Variants in CEP128 observed in about 807,000 individuals in gnomAD.
CEP128 encodes centrosomal protein 128, also known as centrosomal protein 128kDa.
CEP128 carries 132 observed loss-of-function variants against 156.7 expected under a neutral mutation model. The observed-to-expected ratio is 0.84, with a 90% CI of 0.73 to 0.97. The LOEUF (loss-of-function observed/expected upper bound fraction) is 0.97, where lower values mean the gene tolerates loss of function less well. Ranked by LOEUF, CEP128 falls within the 50% of genes least tolerant of loss-of-function variation. The pLI is 0.00. For synonymous variants in CEP128, 469 were observed against 448.9 expected, an observed-to-expected ratio of 1.04 and a Z score of -0.57; for missense variants, 1,252 against 1,281.9, an observed-to-expected ratio of 0.98 and a Z score of 0.36.
intron 4 of CEP128, among the ~76,000 whole-genome samples, chr14:80,908,941 A>G (rs977322128): frequency 6.6e-6 from 1 of 152,008 alleles, no homozygotes; most frequent in Non-Finnish European, 1.5e-5. Flanking sequence ...CACTTTGCCT[A>G]TACTATCACC....
At chr14:80,729,056 GGGGTGT>G (rs1216628565) in intron 19 of CEP128, among the ~76,000 whole-genome samples, 1,797 of 88,150 alleles carry the variant, frequency 0.02, 166 homozygotes, top group African/African-American at 0.051. Flanking sequence ...TGGGCTGGTG[GGGGTGT>G]GTGTGTGTGT....
downstream of CEP128, among the ~76,000 whole-genome samples, chr14:80,488,026 C>A (rs1182199639): frequency 6.7e-6 from 1 of 149,454 alleles, no homozygotes; most frequent in Non-Finnish European, 1.5e-5. Context: ...TAACTAAAAT[C>A]AGAGCAGAAC....
At chr14:80,599,585 C>A (rs1358987111) in intron 19 of CEP128, among the ~76,000 whole-genome samples, 1 of 151,726 alleles carries the variant, frequency 6.6e-6, no homozygotes, top group South Asian at 2.1e-4. Flanking sequence ...GAGTCATATT[C>A]TTTTTTCTAG....
chr14:80,924,874 G>A (rs1885063960), intron 2 of CEP128, among the ~76,000 whole-genome samples: 1 of 152,206 alleles, frequency 6.6e-6, no homozygotes, highest in South Asian at 2.1e-4. Context: ...ACAGCTGGGA[G>A]GCTGTTGCAA....
At chr14:80,896,277 T>A (rs929083752) in intron 7 of CEP128, among the ~76,000 whole-genome samples, 1 of 152,184 alleles carries the variant, frequency 6.6e-6, no homozygotes, top group South Asian at 2.1e-4. Flanking sequence ...TTACCTTGTT[T>A]CTCCTCAAAT....
At chr14:80,599,756 C>T (rs554337489) in intron 19 of CEP128, among the ~76,000 whole-genome samples, 3 of 151,464 alleles carry the variant, frequency 2.0e-5, no homozygotes, top group Non-Finnish European at 4.4e-5. Flanking sequence ...TACAAAAAAA[C>T]CTAAAGGAAA....
chr14:80,767,349 CA>C (rs1900290582), intron 16 of CEP128, among the ~76,000 whole-genome samples: 1 of 151,920 alleles, frequency 6.6e-6, no homozygotes, highest in African/African-American at 2.4e-5. Flanking sequence ...CCACTTTTTT[CA>C]AGCTTATTTC....
intron 2 of CEP128, chr14:80,958,126 A>G (rs1886803339): frequency 2.0e-5 from 3 of 152,094 alleles, no homozygotes; most frequent in South Asian, 2.1e-4. Flanking sequence ...GAAGAAAAGC[A>G]TATGAGAGAA....
At chr14:80,665,219 GT>G (rs1200371019) in intron 19 of CEP128, among the ~76,000 whole-genome samples, 2 of 152,190 alleles carry the variant, frequency 1.3e-5, no homozygotes, top group African/African-American at 4.8e-5. Context: ...AGTGGGGTAT[GT>G]GAAACCTGGC....
At chr14:80,538,501 TAC>T (rs148783957) in intron 21 of CEP128, among the ~76,000 whole-genome samples, 1,919 of 152,280 alleles carry the variant, frequency 0.013, 39 homozygotes, top group African/African-American at 0.044. Flanking sequence ...GAAAGAAATT[TAC>T]AGAGCTCACC....
intron 19 of CEP128, among the ~76,000 whole-genome samples, chr14:80,689,984 T>C (rs1470639): frequency 0.11 from 16,025 of 152,148 alleles, 1,434 homozygotes; most frequent in East Asian, 0.43. Context: ...TGTGAGTCCC[T>C]GCAATACTGG....
intron 19 of CEP128, among the ~76,000 whole-genome samples, chr14:80,581,274 AAT>A (rs1286360524): frequency 6.6e-6 from 1 of 152,228 alleles, no homozygotes; most frequent in African/African-American, 2.4e-5. Context: ...AGTGTATATT[AAT>A]ATGAGTATTT....
At chr14:80,743,002 G>T (rs553668890) in intron 19 of CEP128, 73 bp downstream of exon 19, 9 of 1,376,502 alleles carry the variant, frequency 6.5e-6, no homozygotes, top group South Asian at 6.1e-5. Context: ...ACAGAAGTAG[G>T]TTTTTTTCCA....
intron 21 of CEP128, among the ~76,000 whole-genome samples, chr14:80,546,002 G>A (rs185458338): frequency 2.4e-4 from 36 of 152,250 alleles, no homozygotes; most frequent in African/African-American, 4.6e-4. Flanking sequence ...AAATTTCTTA[G>A]AGCCTACATG....
chr14:80,748,605 G>A (rs1184932519), intron 18 of CEP128, among the ~76,000 whole-genome samples: 1 of 152,100 alleles, frequency 6.6e-6, no homozygotes, highest in African/African-American at 2.4e-5. Flanking sequence ...CACATGTTAT[G>A]GTTAAAGTAG....
chr14:80,528,761 G>A (rs549654261), intron 22 of CEP128, among the ~76,000 whole-genome samples: 95 of 152,238 alleles, frequency 6.2e-4, no homozygotes, highest in African/African-American at 1.9e-3. Flanking sequence ...AGATGAATGC[G>A]GACATATCTC....
chr14:80,768,062 G>A (rs1900328834), intron 16 of CEP128, among the ~76,000 whole-genome samples: 1 of 152,042 alleles, frequency 6.6e-6, no homozygotes, highest in South Asian at 2.1e-4. Flanking sequence ...TCTACTCATT[G>A]ACAAGCATTT....
chr14:80,662,950 A>C lies in CEP128; in HGVS notation c.2806+80125T>G, dbSNP rs143604785. Among the ~76,000 whole-genome samples the C allele has an allele frequency of 2.7e-4, 41 of 152,364 alleles. 1 individual carries two copies. The highest frequency in any genetic ancestry group is 9.6e-4 in the African/African-American group (40 of 41,592). On this transcript the variant is annotated intron_variant, in intron 19 of 24. Transcript: ENST00000555265. ...ACTGAAATTTTCATTTTATTTAACA[A>C]ATAGTCACTCGTGGCCAGTTGCTTG... is the stretch of plus-strand genomic sequence containing the variant.
chr14:80,825,960 G>C (rs895786456), intron 13 of CEP128, among the ~76,000 whole-genome samples: 1 of 151,936 alleles, frequency 6.6e-6, no homozygotes, highest in Non-Finnish European at 1.5e-5. Context: ...ACAAAAATTA[G>C]CCAGGCCTGG....
Sources: gnomAD v4.1 joint callset for allele counts (sites outside exome capture counted in the v4.1 genomes callset) on GRCh38, gnomAD v4.1.1 for gene constraint, MANE v1.5 for transcripts, NCBI Gene and HGNC (gene_info 2026-07-23, HGNC 2026-07-21) for gene names.